RAB3B: variants seen among roughly 807,000 people sequenced by gnomAD.
RAB3B encodes the protein ras-related protein Rab-3B.
Under a neutral mutation model 20.5 loss-of-function variants are expected in RAB3B, and 11 were observed. That is an observed-to-expected ratio of 0.54 (90% confidence interval 0.34 to 0.89). The LOEUF is 0.89. Ranked by LOEUF, RAB3B falls within the 40% of genes least tolerant of loss-of-function variation. RAB3B has a pLI of 0.02. For synonymous variants in RAB3B, 99 were observed against 106.3 expected (o/e 0.93, Z 0.42); for missense variants, 225 against 280.9 (o/e 0.80, Z 1.42).
chr1:51,977,005 A>T lies in RAB3B; in HGVS notation c.113T>A (p.Phe38Tyr). ...IGNSSVGKTS[F>Y]LFRYADDTFT... ...CGTGTCATCAGCATAGCGGAAGAGG[A>T]AGGAGGTCTTGCCAACACTGCTGTT... is the stretch of plus-strand genomic sequence containing the variant. Residue 38 changes from phenylalanine (F) to tyrosine (Y), a missense_variant, in exon 2 of 5, where the codon TTC (phenylalanine) becomes TAC (tyrosine). Transcript: ENST00000371655. 1 of 1,614,132 alleles carries T rather than the reference A, an allele frequency of 6.2e-7. No homozygotes were observed. Among genetic ancestry groups the T allele is most frequent in the Non-Finnish European group, 8.5e-7 (1 of 1,180,014 alleles).
At position 51,976,922 on chromosome 1, in the gene RAB3B, G is replaced by A. The variant is rs530487915; in HGVS notation, c.196C>T (p.Arg66Cys). The change falls in exon 2 of 5, where the codon CGT becomes TGT. Residue 66 changes from arginine to cysteine, a missense_variant. By Grantham distance (180) the Arg-to-Cys change is radical (BLOSUM62 -3). Transcript: ENST00000371655. ...TGCAGTTTCACCCGCTTCTCGTGAC[G>A]GTAGACTGTCTTCACCTTGAAGTCG... ...GIDFKVKTVY[R>C]HEKRVKLQIW... 5.6e-6 allele frequency: 9 copies of A among 1,614,158 alleles called. No individual in the cohort carries two copies. Among genetic ancestry groups the A allele is most frequent in the Middle Eastern group, 1.6e-4 (1 of 6,062 alleles).
In RAB3B at chr1:51,919,015, C is replaced by T. The variant is rs963191585; in HGVS notation, c.*912G>A. The T allele has an allele frequency of 6.3e-5, 9 of 143,026 alleles. No individual in the cohort carries two copies. The highest frequency in any genetic ancestry group is 1.0e-4 in the Non-Finnish European group (7 of 66,818). The allele number at this position is 143,026 out of a possible 1,614,324, so 8.9% of individuals were successfully genotyped here. On this transcript the variant is annotated 3_prime_UTR_variant, in exon 5 of 5. Transcript: ENST00000371655. ...TTTTTGAGACGGAGTCTCGCTCTGT[C>T]GCCCAGGCCGGACTGCGGACTGCAG...
rs1487058812 is a variant in RAB3B, at chr1:51,971,424, CTTTTTTCTTTTCTT to C, written c.228+5452_228+5465del. On this transcript the variant is annotated intron_variant, in intron 2 of 4. Transcript: ENST00000371655. ...CTATACAGTATACACTATGCTTTTT[CTTTTTTCTTTTCTT>C]TTTTTTTTTTTTGAGATGGAGTCTC... 2.0e-5 allele frequency among the ~76,000 whole-genome samples: 3 copies of C among 151,252 alleles called. No homozygotes were observed. In the East Asian group the frequency reaches 5.8e-4, roughly 29 times the overall value.
chr1:51,922,800 G>C (rs1684190302), intron 4 of RAB3B, among the ~76,000 whole-genome samples: 1 of 151,944 alleles, frequency 6.6e-6, no homozygotes, highest in South Asian at 2.1e-4. Flanking sequence ...GGGTTCAAGC[G>C]ATTTTCCTGC....
At chr1:51,946,543 A>C (rs929278645) in intron 2 of RAB3B, among the ~76,000 whole-genome samples, 1 of 152,212 alleles carries the variant, frequency 6.6e-6, no homozygotes, top group African/African-American at 2.4e-5. Flanking sequence ...TGAGCTCTTC[A>C]TATGGGCAGA....
chr1:51,915,311 T>C lies in RAB3B; in HGVS notation c.*4616A>G, dbSNP rs909291177. 1.3e-5 allele frequency: 2 copies of C among 152,112 alleles called. No homozygotes were observed. Among genetic ancestry groups the C allele is most frequent in the Non-Finnish European group, 2.9e-5 (2 of 68,000 alleles). The allele number at this position is 152,112 out of a possible 1,614,324, so 9.4% of individuals were successfully genotyped here. A position where few individuals can be genotyped will look rare whatever the true frequency, so the allele number is the denominator to read the frequency against. On this transcript the variant is annotated 3_prime_UTR_variant, in exon 5 of 5. Transcript: ENST00000371655. ...TGCTAGGCCCTAGTCGATAGTCAAA[T>C]AGCTAAGTGTCTTCTTAGAGGTGAT...
chr1:51,940,851 T>C (rs887622240), intron 2 of RAB3B, among the ~76,000 whole-genome samples: 1 of 152,106 alleles, frequency 6.6e-6, no homozygotes, highest in African/African-American at 2.4e-5. Flanking sequence ...TCATCTTTAT[T>C]CCAGGATAAA....
chr1:51,963,523 A>G (rs1050041177), intron 2 of RAB3B, among the ~76,000 whole-genome samples: 3 of 152,240 alleles, frequency 2.0e-5, no homozygotes, highest in Admixed American at 2.0e-4. Context: ...CAAATTCATG[A>G]GCTGATGAAT....
chr1:51,930,927 G>A (rs1684314474), intron 4 of RAB3B, among the ~76,000 whole-genome samples: 1 of 152,016 alleles, frequency 6.6e-6, no homozygotes, highest in South Asian at 2.1e-4. Context: ...TGAGGCAGGA[G>A]AATCACTTGA....
intron 4 of RAB3B, among the ~76,000 whole-genome samples, chr1:51,928,192 C>T (rs761585978): frequency 3.9e-5 from 6 of 152,166 alleles, no homozygotes; most frequent in African/African-American, 7.2e-5. Context: ...CCGCAACCTC[C>T]GCCTCCCCGG....
intron 3 of RAB3B, 55 bp from the exon 4 acceptor site, chr1:51,933,497 G>C: frequency 1.3e-6 from 2 of 1,515,994 alleles, no homozygotes; most frequent in Admixed American, 1.8e-5. Flanking sequence ...CTGAATGTCT[G>C]TGTCCCCACC....
In RAB3B at chr1:51,912,554, A is replaced by AAAAAATATATATAT. The variant is rs1491223921; in HGVS notation, c.*7372_*7373insATATATATATTTTT. On this transcript the variant is annotated 3_prime_UTR_variant, in exon 5 of 5. Transcript: ENST00000371655. ...AGACCGTCTCTATTAAAAAAAAAAA[A>AAAAAATATATATAT]ATATATATATATATATATATATATA... 2 of 15,502 alleles carry AAAAAATATATATAT rather than the reference A, an allele frequency of 1.3e-4. No homozygotes were observed. The highest frequency in any genetic ancestry group is 2.9e-4 in the Non-Finnish European group (2 of 6,828). 1.0% of individuals were successfully genotyped at this position (15,502 alleles called of 1,614,324 possible).
rs1310859208 is a variant in RAB3B at position 51,913,461 on chromosome 1, T to A, written c.*6466A>T. 6.6e-6 allele frequency: 1 copy of A among 151,714 alleles called. No homozygotes were observed. Among genetic ancestry groups the A allele is most frequent in the Non-Finnish European group, 1.5e-5 (1 of 67,984 alleles). 9.4% of individuals were successfully genotyped at this position (151,714 alleles called of 1,614,324 possible). ...TAGCTCCTCCCATAAAGAGATGGCA[T>A]CTATTTCCCCCTCCCCTTTTTTTTT... On this transcript the variant is annotated 3_prime_UTR_variant, in exon 5 of 5. Transcript: ENST00000371655.
chr1:51,946,633 A>T (rs990813845), intron 2 of RAB3B, among the ~76,000 whole-genome samples: 3 of 152,230 alleles, frequency 2.0e-5, no homozygotes, highest in African/African-American at 7.2e-5. Flanking sequence ...GCAGACAGAC[A>T]TGTGGGCAAG....
chr1:51,950,544 G>A (rs1390911344), intron 2 of RAB3B, among the ~76,000 whole-genome samples: 1 of 152,112 alleles, frequency 6.6e-6, no homozygotes, highest in African/African-American at 2.4e-5. Context: ...GTTGGAATAG[G>A]GTCTGTGAGC....
intron 2 of RAB3B, among the ~76,000 whole-genome samples, chr1:51,958,291 A>G (rs937576719): frequency 6.6e-6 from 1 of 152,062 alleles, no homozygotes; most frequent in African/African-American, 2.4e-5. Flanking sequence ...ACAACCCTTT[A>G]CCCTCTGGGC....
chr1:51,950,202 A>G (rs1465545768), intron 2 of RAB3B, among the ~76,000 whole-genome samples: 1 of 152,230 alleles, frequency 6.6e-6, no homozygotes, highest in Non-Finnish European at 1.5e-5. Flanking sequence ...ACTCTGGGTC[A>G]TGGGTTTCAT....
chr1:51,974,629 C>T (rs950747603), intron 2 of RAB3B, among the ~76,000 whole-genome samples: 1 of 152,084 alleles, frequency 6.6e-6, no homozygotes, highest in Non-Finnish European at 1.5e-5. Context: ...TCTATAATAC[C>T]TCAGATGCAC....
At chr1:51,948,310 C>T (rs567609019) in intron 2 of RAB3B, among the ~76,000 whole-genome samples, 76 of 152,316 alleles carry the variant, frequency 5.0e-4, no homozygotes, top group Non-Finnish European at 8.8e-4. Context: ...AATCTCTTGT[C>T]ACAGGGGCCT....
Sources: allele counts gnomAD v4.1 joint callset (sites outside exome capture counted in the v4.1 genomes callset), GRCh38; gene constraint gnomAD v4.1.1; transcripts MANE v1.5; gene names NCBI Gene and HGNC (gene_info 2026-07-23, HGNC 2026-07-21).